ELMO1: variants seen among roughly 807,000 people sequenced by gnomAD.
ELMO1 encodes engulfment and cell motility 1.
Under a neutral mutation model 98.9 loss-of-function variants are expected in ELMO1, and 26 were observed. That is an observed-to-expected ratio of 0.26 (90% CI 0.19 to 0.36). The LOEUF (loss-of-function observed/expected upper bound fraction) is 0.36, where lower values mean the gene tolerates loss of function less well. ELMO1 is among the 10% of genes least tolerant of loss of function. The pLI, the probability that ELMO1 is intolerant of heterozygous loss-of-function variation, is 1.00. For synonymous variants in ELMO1, 346 were observed against 346.0 expected, an observed-to-expected ratio of 1.00 and a Z score of 0.00; for missense variants, 627 against 935.2, an observed-to-expected ratio of 0.67 and a Z score of 4.30.
intron 16 of ELMO1, among the ~76,000 whole-genome samples, chr7:37,000,728 G>A (rs1031881663): frequency 2.0e-5 from 3 of 152,074 alleles, no homozygotes; most frequent in Admixed American, 6.5e-5. Context: ...CCTTTGCACT[G>A]GAAGGTCTCT....
intron 4 of ELMO1, among the ~76,000 whole-genome samples, chr7:37,303,361 G>A (rs112684590): frequency 4.1e-4 from 63 of 152,122 alleles, no homozygotes; most frequent in Non-Finnish European, 7.4e-4. Flanking sequence ...TTTTTTCATC[G>A]ATATTTCATT....
At chr7:36,892,159 G>T (rs1422922152) in intron 17 of ELMO1, among the ~76,000 whole-genome samples, 1 of 152,104 alleles carries the variant, frequency 6.6e-6, no homozygotes, top group African/African-American at 2.4e-5. Flanking sequence ...AGGGTGTATT[G>T]CTCAAGTGGT....
intron 18 of ELMO1, among the ~76,000 whole-genome samples, chr7:36,881,569 T>C (rs1804459527): frequency 6.6e-6 from 1 of 152,168 alleles, no homozygotes; most frequent in African/African-American, 2.4e-5. Flanking sequence ...TTCCAGTCAA[T>C]TACTAATGAG....
intron 1 of ELMO1, among the ~76,000 whole-genome samples, chr7:37,424,623 T>A: frequency 6.6e-6 from 1 of 152,196 alleles, no homozygotes; most frequent in East Asian, 1.9e-4. Context: ...ATGGTTGTGA[T>A]CTGAAAATTC....
At chr7:37,385,828 C>T (rs975599044) in intron 1 of ELMO1, among the ~76,000 whole-genome samples, 11 of 152,214 alleles carry the variant, frequency 7.2e-5, no homozygotes, top group Non-Finnish European at 1.2e-4. Context: ...GAGGCAGAAC[C>T]GCCCCTAGAG....
chr7:37,170,058 T>C (rs1790045346), intron 13 of ELMO1, among the ~76,000 whole-genome samples: 1 of 152,132 alleles, frequency 6.6e-6, no homozygotes, highest in Non-Finnish European at 1.5e-5. Flanking sequence ...CACGCCACCA[T>C]GCCCAGCTAA....
chr7:36,970,077 C>T (rs1056516230), intron 16 of ELMO1, among the ~76,000 whole-genome samples: 5 of 151,996 alleles, frequency 3.3e-5, no homozygotes, highest in Non-Finnish European at 5.9e-5. Context: ...CAGTCTCATT[C>T]TCCATCATTA....
intron 16 of ELMO1, among the ~76,000 whole-genome samples, chr7:36,996,835 G>A (rs776224281): frequency 1.1e-4 from 17 of 152,176 alleles, no homozygotes; most frequent in Non-Finnish European, 2.1e-4. Flanking sequence ...ACTGGGAAGT[G>A]CAAGGCATGC....
At chr7:37,302,821 T>C (rs1453703621) in intron 4 of ELMO1, among the ~76,000 whole-genome samples, 7 of 152,134 alleles carry the variant, frequency 4.6e-5, no homozygotes, top group African/African-American at 1.7e-4. Flanking sequence ...ACCAGAACAA[T>C]GGGGATCAGA....
At chr7:37,292,669 C>T (rs1475733914) in intron 4 of ELMO1, among the ~76,000 whole-genome samples, 9 of 102,034 alleles carry the variant, frequency 8.8e-5, no homozygotes, top group Non-Finnish European at 1.4e-4. Context: ...CCCCTCCGCC[C>T]AGCAGCCACC....
intron 16 of ELMO1, among the ~76,000 whole-genome samples, chr7:36,983,826 T>C (rs1791275585): frequency 6.6e-6 from 1 of 152,196 alleles, no homozygotes; most frequent in African/African-American, 2.4e-5. Context: ...TGCTTTACCC[T>C]AAAATGCCTG....
intron 16 of ELMO1, among the ~76,000 whole-genome samples, chr7:36,936,973 C>T (rs1437314339): frequency 2.0e-5 from 3 of 152,162 alleles, no homozygotes; most frequent in Non-Finnish European, 2.9e-5. Flanking sequence ...TTAGGGGGTT[C>T]TCCCAGGGAT....
chr7:36,896,436 C>T (rs1806004092), intron 16 of ELMO1, among the ~76,000 whole-genome samples: 1 of 152,124 alleles, frequency 6.6e-6, no homozygotes, highest in African/African-American at 2.4e-5. Flanking sequence ...AATAGAAGTG[C>T]AGAAATGATA....
At chr7:37,082,748 C>CAAAG (rs916866669) in intron 15 of ELMO1, among the ~76,000 whole-genome samples, 1 of 151,960 alleles carries the variant, frequency 6.6e-6, no homozygotes, top group Non-Finnish European at 1.5e-5. Flanking sequence ...AACAAACAAA[C>CAAAG]AGAAAAGCCC....
intron 16 of ELMO1, among the ~76,000 whole-genome samples, chr7:36,964,363 G>A (rs979360519): frequency 7.9e-5 from 12 of 152,164 alleles, no homozygotes; most frequent in African/African-American, 1.9e-4. Context: ...ATCATCTAAC[G>A]TAAAGTATAT....
At chr7:37,204,683 T>C (rs1287113483) in intron 13 of ELMO1, among the ~76,000 whole-genome samples, 1 of 152,210 alleles carries the variant, frequency 6.6e-6, no homozygotes, top group Non-Finnish European at 1.5e-5. Flanking sequence ...AGCGCATTGG[T>C]CCATTTTACA....
intron 16 of ELMO1, among the ~76,000 whole-genome samples, chr7:36,969,048 C>T (rs1454444663): frequency 6.6e-6 from 1 of 151,910 alleles, no homozygotes; most frequent in Admixed American, 6.6e-5. Context: ...GGATCTTTAG[C>T]CATGTAAGTG....
rs540685933 is a variant in ELMO1 at position 37,018,580 on chromosome 7, G to A, written c.1301-5145C>T. On this transcript the variant is annotated intron_variant, in intron 15 of 21. Transcript: ENST00000310758. The stretch of plus-strand genomic sequence containing the variant: ...CAACCTCTTCCTCCTGGGTTCCAGC[G>A]ATTCTCCTGCCTCAGCCTCCCAAAT... 5.9e-5 allele frequency among the ~76,000 whole-genome samples: 9 copies of A among 151,950 alleles called. No individual in the cohort carries two copies. In the East Asian group the frequency reaches 7.7e-4, roughly 13 times the overall value.
Position 37,239,088 on chromosome 7 carries a change from G to A in ELMO1, c.449+5268C>T, listed in dbSNP as rs539673874. ...TTCCAAAAGCATGTGTTTAGATTTG[G>A]TATTTCTTCTATAATATATAATATA... On this transcript the variant is annotated intron_variant, in intron 7 of 21. Coordinates refer to ENST00000310758, the MANE Select transcript of ELMO1 (RefSeq NM_014800.11). Among the ~76,000 whole-genome samples, 366 of 152,008 alleles carry A rather than the reference G, an allele frequency of 2.4e-3. 4 individuals are homozygous for A. Among genetic ancestry groups the A allele is most frequent in the Non-Finnish European group, 4.1e-3 (277 of 68,008 alleles).
Sources: allele counts gnomAD v4.1 joint callset (sites outside exome capture counted in the v4.1 genomes callset), GRCh38; gene constraint gnomAD v4.1.1; transcripts MANE v1.5; gene names NCBI Gene and HGNC (gene_info 2026-07-23, HGNC 2026-07-21).